The following ORC4 variants were observed in gnomAD, a reference collection of about 807,000 sequenced individuals.
ORC4 encodes the protein origin recognition complex subunit 4.
ORC4 carries 55 observed loss-of-function variants against 63.9 expected under a neutral mutation model. The observed-to-expected ratio is 0.86, with a 90% confidence interval of 0.69 to 1.08. The LOEUF (loss-of-function observed/expected upper bound fraction) is 1.08, where lower values mean the gene tolerates loss of function less well. ORC4 is among the 50% of genes least tolerant of loss of function. The probability of loss-of-function intolerance (pLI) is 0.00; values close to 1 mark genes in which losing one functional copy is unlikely to be tolerated. For missense variants in ORC4, 511 were observed against 504.4 expected (o/e 1.01, Z -0.13); for synonymous variants, 150 against 168.5 (o/e 0.89, Z 0.85).
At chr2:147,988,713 T>A (rs1421085599) in intron 1 of ORC4, among the ~76,000 whole-genome samples, 1 of 152,002 alleles carries the variant, frequency 6.6e-6, no homozygotes, top group Non-Finnish European at 1.5e-5. Flanking sequence ...ATCTCAGCTG[T>A]TCCAACTGCA....
At chr2:148,016,867 AAT>A in intron 1 of ORC4, among the ~76,000 whole-genome samples, 1 of 152,262 alleles carries the variant, frequency 6.6e-6, no homozygotes, top group Non-Finnish European at 1.5e-5. Context: ...TCTCAAAATC[AAT>A]AATGAAAACC....
chr2:147,977,341 A>G (rs923780347), intron 1 of ORC4, among the ~76,000 whole-genome samples: 3 of 152,226 alleles, frequency 2.0e-5, no homozygotes, highest in Non-Finnish European at 4.4e-5. Context: ...TTTTACTGCC[A>G]GAACTCATAA....
At chr2:147,971,254 T>A (rs971812868) in intron 4 of ORC4, among the ~76,000 whole-genome samples, 14 of 151,830 alleles carry the variant, frequency 9.2e-5, no homozygotes, top group African/African-American at 3.1e-4. Flanking sequence ...AAATGAAATC[T>A]TCTGCTCTGC....
intron 1 of ORC4, among the ~76,000 whole-genome samples, chr2:147,993,846 C>A (rs997366994): frequency 2.0e-5 from 3 of 152,156 alleles, no homozygotes; most frequent in African/African-American, 7.2e-5. Flanking sequence ...TGATGATCAA[C>A]TATGAAGAAA....
chr2:147,982,551 C>T (rs932571117), intron 1 of ORC4, among the ~76,000 whole-genome samples: 3 of 152,172 alleles, frequency 2.0e-5, no homozygotes, highest in Non-Finnish European at 4.4e-5. Context: ...GGTATCTAAT[C>T]TGCCCCTTTG....
chr2:147,974,477 A>G (rs1490646751), intron 2 of ORC4, among the ~76,000 whole-genome samples: 1 of 151,962 alleles, frequency 6.6e-6, no homozygotes, highest in African/African-American at 2.4e-5. Context: ...TCTAATAAAA[A>G]TTCAAAAATT....
intron 1 of ORC4, among the ~76,000 whole-genome samples, chr2:148,007,026 T>C (rs1427613260): frequency 6.6e-6 from 1 of 152,232 alleles, no homozygotes; most frequent in Non-Finnish European, 1.5e-5. Context: ...ACTGTGTATG[T>C]AGGAGTCTGC....
chr2:148,009,823 A>G (rs1692840774), intron 1 of ORC4, among the ~76,000 whole-genome samples: 1 of 152,214 alleles, frequency 6.6e-6, no homozygotes, highest in Admixed American at 6.5e-5. Flanking sequence ...TCCAATCAAA[A>G]GACACAGAAG....
At chr2:147,939,028 A>G (rs1688218069) in intron 11 of ORC4, 112 bp downstream of exon 11, 6 of 720,170 alleles carry the variant, frequency 8.3e-6, no homozygotes, top group South Asian at 7.3e-5. Flanking sequence ...TATGGATACG[A>G]AAGTATTTTA....
chr2:147,982,996 G>A (rs1490844722), intron 1 of ORC4, among the ~76,000 whole-genome samples: 3 of 152,142 alleles, frequency 2.0e-5, no homozygotes, highest in African/African-American at 7.2e-5. Flanking sequence ...ATCATTATCC[G>A]CTAGGAAAAT....
chr2:147,961,485 G>A (rs1689589438), intron 4 of ORC4, among the ~76,000 whole-genome samples: 1 of 151,272 alleles, frequency 6.6e-6, no homozygotes, highest in South Asian at 2.1e-4. Context: ...ACTATCGAGA[G>A]TTATTGTCTA....
chr2:147,987,691 A>G (rs1252248378), intron 1 of ORC4, among the ~76,000 whole-genome samples: 2 of 152,246 alleles, frequency 1.3e-5, no homozygotes, highest in African/African-American at 4.8e-5. Flanking sequence ...GGTAACAACA[A>G]ACAATTTTTC....
chr2:148,001,963 G>C (rs1692339017), intron 1 of ORC4, among the ~76,000 whole-genome samples: 1 of 152,090 alleles, frequency 6.6e-6, no homozygotes, highest in Admixed American at 6.6e-5. Context: ...TGCAATCCTA[G>C]TCTCTGATAA....
chr2:147,974,828 C>G (rs1284274874), intron 2 of ORC4, among the ~76,000 whole-genome samples: 1 of 136,530 alleles, frequency 7.3e-6, no homozygotes, highest in Non-Finnish European at 1.6e-5. Context: ...AAAAAAAAAC[C>G]CAGAAAACCT....
At chr2:147,979,011 A>G (rs949019610) in intron 1 of ORC4, among the ~76,000 whole-genome samples, 2 of 152,188 alleles carry the variant, frequency 1.3e-5, no homozygotes, top group East Asian at 3.8e-4. Context: ...ATCACACCCC[A>G]AAGGTAAAAA....
At chr2:148,011,632 G>A (rs1008952762) in intron 1 of ORC4, among the ~76,000 whole-genome samples, 5 of 152,128 alleles carry the variant, frequency 3.3e-5, no homozygotes, top group African/African-American at 1.2e-4. Context: ...AAACAGACAA[G>A]AGAATGAAAT....
chr2:147,948,583 A>T (rs1401619824), intron 8 of ORC4, among the ~76,000 whole-genome samples: 1 of 152,034 alleles, frequency 6.6e-6, no homozygotes, highest in East Asian at 1.9e-4. Context: ...GAGATTAAAA[A>T]ATTAATAGCA....
intron 11 of ORC4, chr2:147,938,603 A>G: frequency 1.9e-6 from 1 of 523,216 alleles, no homozygotes; most frequent in Admixed American, 3.3e-5. Context: ...CTGCAAAATA[A>G]GGATATTTTT....
upstream of ORC4, chr2:148,021,275 C>G (rs1016926228): frequency 2.8e-6 from 1 of 356,182 alleles, no homozygotes; most frequent in Non-Finnish European, 5.5e-6. Context: ...GCCCTGAGCC[C>G]TGAGAGGGGG....
Sources: gnomAD v4.1 joint callset for allele counts (sites outside exome capture counted in the v4.1 genomes callset) on GRCh38, gnomAD v4.1.1 for gene constraint, MANE v1.5 for transcripts, NCBI Gene and HGNC (gene_info 2026-07-23, HGNC 2026-07-21) for gene names.